The following ATL2 variants were observed in gnomAD, a reference collection of about 807,000 sequenced individuals.
ATL2 encodes the protein atlastin-2.
Under a neutral mutation model 73.9 loss-of-function variants are expected in ATL2, and 31 were observed. That is an observed-to-expected ratio of 0.42 (90% CI 0.32 to 0.57). The LOEUF (loss-of-function observed/expected upper bound fraction) is 0.57, where lower values mean the gene tolerates loss of function less well. Among genes scored for constraint, ATL2 ranks in the 20% least tolerant of loss-of-function variants. The pLI, the probability that ATL2 is intolerant of heterozygous loss-of-function variation, is 0.14. For synonymous variants in ATL2, 291 were observed against 237.5 expected (o/e 1.23, Z -2.07); for missense variants, 738 against 702.6 (o/e 1.05, Z -0.57).
Position 38,318,589 on chromosome 2 carries a change from A to G in ATL2, c.549T>C (p.Thr183=), listed in dbSNP as rs1668153425. 2 of 1,612,926 alleles carry G rather than the reference A, an allele frequency of 1.2e-6. No homozygotes were observed. The highest frequency in any genetic ancestry group is 4.5e-5 in the East Asian group (2 of 44,876). The change falls in exon 4 of 13, where the codon ACT becomes ACC. Residue 183 remains threonine, a synonymous_variant. Transcript: ENST00000378954. ...CAAACACCGTTGCACAGTCTTTGATAGTTGACTGGCTATCAAAGGCACCCT... is the reference window on the plus strand; with the variant it reads ...CAAACACCGTTGCACAGTCTTTGATGGTTGACTGGCTATCAAAGGCACCCT... ...DTQGAFDSQS[T]IKDCATVFAL...
Position 38,302,412 on chromosome 2 carries a change from A to G in ATL2, c.1072-2084T>C, listed in dbSNP as rs954227373. Among the ~76,000 whole-genome samples, 3 of 152,078 alleles carry G rather than the reference A, an allele frequency of 2.0e-5. No homozygotes were observed. In the South Asian group the frequency reaches 6.2e-4, roughly 32 times the overall value. ...TCTGGACCCACCCAAGGCCAGAGGG[A>G]ACTTGCTAGATTTGCCACCTGCTGA... On this transcript the variant is annotated intron_variant, in intron 9 of 12. Coordinates refer to ENST00000378954, the MANE Select transcript of ATL2 (RefSeq NM_001135673.4).
At chr2:38,326,199 G>A (rs964231170) in intron 2 of ATL2, among the ~76,000 whole-genome samples, 1 of 152,180 alleles carries the variant, frequency 6.6e-6, no homozygotes, top group Non-Finnish European at 1.5e-5. Flanking sequence ...TAAAAAAGCT[G>A]CAAGACACAG....
At position 38,301,197 on chromosome 2, in the gene ATL2, C is replaced by T. The variant is rs564641171; in HGVS notation, c.1072-869G>A. Among the ~76,000 whole-genome samples, 38 of 152,082 alleles carry T rather than the reference C, an allele frequency of 2.5e-4. No homozygotes were observed. In the South Asian group the frequency reaches 7.9e-3, roughly 32 times the overall value. ...GTTGGCCAGGCTGGTCTCGAACTCC[C>T]GACCTCAGGTGATTCGCCCACTTTA... On this transcript the variant is annotated intron_variant, in intron 9 of 12. Coordinates refer to ENST00000378954, the MANE Select transcript of ATL2 (RefSeq NM_001135673.4).
chr2:38,310,126 C>G (rs1015225801), intron 8 of ATL2, among the ~76,000 whole-genome samples, 183 bp downstream of exon 8: 1 of 152,208 alleles, frequency 6.6e-6, no homozygotes, highest in Non-Finnish European at 1.5e-5. Context: ...ATATGCTAGA[C>G]AGCTGCAAAC....
intron 1 of ATL2, among the ~76,000 whole-genome samples, chr2:38,350,154 T>C (rs558733553): frequency 1.3e-5 from 2 of 152,326 alleles, no homozygotes; most frequent in African/African-American, 4.8e-5. Context: ...GTCCTGTGTA[T>C]AGAATAGTGA....
At chr2:38,367,330 G>A (rs1573591514) in intron 1 of ATL2, among the ~76,000 whole-genome samples, 1 of 151,690 alleles carries the variant, frequency 6.6e-6, no homozygotes, top group Non-Finnish European at 1.5e-5. Context: ...AAGGCCGGGC[G>A]CGGTGGCTCA....
chr2:38,377,391 C>T (rs1344274068), upstream of ATL2: 4 of 716,718 alleles, frequency 5.6e-6, no homozygotes, highest in Admixed American at 3.1e-5. Flanking sequence ...CGCCCTCCGC[C>T]TGTATCTCCT....
At chr2:38,350,792 A>G (rs370151204) in intron 1 of ATL2, among the ~76,000 whole-genome samples, 41 of 152,300 alleles carry the variant, frequency 2.7e-4, no homozygotes, top group African/African-American at 9.1e-4. Flanking sequence ...GTCTATTTAA[A>G]TAAGACACCT....
chr2:38,308,559 G>A (rs924962018), intron 9 of ATL2, among the ~76,000 whole-genome samples: 1 of 152,040 alleles, frequency 6.6e-6, no homozygotes, highest in African/African-American at 2.4e-5. Flanking sequence ...TGTAGTTACA[G>A]TCAATAATAA....
At chr2:38,340,720 A>G (rs1332327252) in intron 2 of ATL2, among the ~76,000 whole-genome samples, 1 of 152,230 alleles carries the variant, frequency 6.6e-6, no homozygotes, top group African/African-American at 2.4e-5. Context: ...TTCATCTCAT[A>G]GGAAAAGCAT....
intron 2 of ATL2, among the ~76,000 whole-genome samples, chr2:38,327,260 T>C (rs1268052188): frequency 1.3e-5 from 2 of 151,958 alleles, no homozygotes; most frequent in Non-Finnish European, 2.9e-5. Flanking sequence ...TAAAATCTTT[T>C]AGGTGGTTAT....
chr2:38,359,325 C>A (rs886342271), intron 1 of ATL2, among the ~76,000 whole-genome samples: 3 of 151,862 alleles, frequency 2.0e-5, no homozygotes, highest in Non-Finnish European at 4.4e-5. Context: ...CAAAAATTAG[C>A]CAGGCGTGGT....
intron 2 of ATL2, among the ~76,000 whole-genome samples, chr2:38,341,105 C>A (rs1669689401): frequency 1.3e-5 from 2 of 152,182 alleles, no homozygotes; most frequent in African/African-American, 4.8e-5. Context: ...GATAAGTGAT[C>A]TAAGCTTCCC....
chr2:38,333,025 GAAAAGA>G (rs1028175325), intron 2 of ATL2, among the ~76,000 whole-genome samples: 54 of 151,748 alleles, frequency 3.6e-4, no homozygotes, highest in African/African-American at 1.2e-3. Context: ...GACTTGATCT[GAAAAGA>G]AAAAGAAAAA....
Position 38,295,901 on chromosome 2 carries a change from T to A in ATL2, c.*93A>T. 2 of 1,082,826 alleles carry A rather than the reference T, an allele frequency of 1.8e-6. No homozygotes were observed. Among genetic ancestry groups the A allele is most frequent in the Non-Finnish European group, 2.6e-6 (2 of 758,288 alleles). 67.1% of individuals were successfully genotyped at this position (1,082,826 alleles called of 1,614,324 possible). A position where few individuals can be genotyped will look rare whatever the true frequency, so the allele number is the denominator to read the frequency against. On this transcript the variant is annotated 3_prime_UTR_variant, in exon 13 of 13. Transcript: ENST00000378954. ...CAGTTACACTAAACTACTTCTACAG[T>A]TGATTGTAAACTTTGGTTTATTTTT...
chr2:38,318,768 T>A, intron 3 of ATL2, 117 bp downstream of exon 3: 1 of 1,352,064 alleles, frequency 7.4e-7, no homozygotes. Context: ...ACATTTGACA[T>A]AATAATCCGT....
rs1671536502 is a variant in ATL2 at position 38,369,433 on chromosome 2, ACT to A, written c.118+7708_118+7709del. Among the ~76,000 whole-genome samples, 4 of 151,614 alleles carry A rather than the reference ACT, an allele frequency of 2.6e-5. No homozygotes were observed. The South Asian group carries it at 6.3e-4, about 24-fold the overall frequency. On this transcript the variant is annotated intron_variant, in intron 1 of 12. Transcript: ENST00000378954. ...ACTCCAGCCTGGGCGACAGAGTAAG[ACT>A]CTGTCTCAAAGAAAAAATAAATAAA...
At chr2:38,317,789 A>G (rs975141527) in intron 4 of ATL2, among the ~76,000 whole-genome samples, 3 of 126,878 alleles carry the variant, frequency 2.4e-5, no homozygotes, top group East Asian at 2.0e-4. Context: ...ATAACATGTG[A>G]TATCTTTTCC....
At chr2:38,298,034 CT>C in intron 12 of ATL2, 109 bp downstream of exon 12, 1 of 981,930 alleles carries the variant, frequency 1.0e-6, no homozygotes, top group East Asian at 2.5e-5. Flanking sequence ...AGAAGACATC[CT>C]TTTGACATTC....
Sources: gnomAD v4.1 joint callset for allele counts (sites outside exome capture counted in the v4.1 genomes callset) on GRCh38, gnomAD v4.1.1 for gene constraint, MANE v1.5 for transcripts, NCBI Gene and HGNC (gene_info 2026-07-23, HGNC 2026-07-21) for gene names.